The following PTPRN2 variants were observed in gnomAD, a reference collection of about 807,000 sequenced individuals.
PTPRN2 encodes receptor-type tyrosine-protein phosphatase N2.
PTPRN2 carries 74 observed loss-of-function variants against 118.8 expected under a neutral mutation model. The ratio of observed to expected loss-of-function variants is 0.62; its 90% CI spans 0.52 to 0.76. The LOEUF is 0.76. Ranked by LOEUF, PTPRN2 falls within the 30% of genes least tolerant of loss-of-function variation. PTPRN2 has a pLI of 0.00. For synonymous variants in PTPRN2, 641 were observed against 608.0 expected, an observed-to-expected ratio of 1.05 and a Z score of -0.80; for missense variants, 1,481 against 1,394.4, an observed-to-expected ratio of 1.06 and a Z score of -0.99.
intron 2 of PTPRN2, among the ~76,000 whole-genome samples, chr7:158,353,804 A>G (rs1360410733): frequency 2.0e-5 from 3 of 152,242 alleles, no homozygotes; most frequent in Admixed American, 6.5e-5. Context: ...GAAAGGTGAG[A>G]TAACAACAGC....
At chr7:158,283,768 C>T (rs957796975) in intron 3 of PTPRN2, among the ~76,000 whole-genome samples, 1 of 152,102 alleles carries the variant, frequency 6.6e-6, no homozygotes, top group Non-Finnish European at 1.5e-5. Flanking sequence ...CCTCAGGCCA[C>T]TCAAAGCCAC....
At chr7:157,851,754 G>C (rs539909197) in intron 12 of PTPRN2, among the ~76,000 whole-genome samples, 214 of 152,374 alleles carry the variant, frequency 1.4e-3, no homozygotes, top group African/African-American at 4.4e-3. Flanking sequence ...GTAACAGTGT[G>C]GTCCTTCCAG....
rs901541632 is a variant in PTPRN2, at chr7:157,875,406, A to T, written c.1788+23267T>A. ...AAACCTCTATCGGCAGTTTCTGATA[A>T]CCTTGCTCCGGGTCACACGTTATCT... On this transcript the variant is annotated intron_variant, in intron 12 of 22. Coordinates refer to ENST00000389418, the MANE Select transcript of PTPRN2 (RefSeq NM_002847.5). Among the ~76,000 whole-genome samples the T allele has an allele frequency of 3.3e-5, 5 of 152,172 alleles. 1 individual carries two copies. Among genetic ancestry groups the T allele is most frequent in the Non-Finnish European group, 5.9e-5 (4 of 68,022 alleles).
intron 22 of PTPRN2, among the ~76,000 whole-genome samples, chr7:157,544,955 T>G (rs906043910): frequency 1.7e-5 from 1 of 58,600 alleles, no homozygotes; most frequent in African/African-American, 5.9e-5. Flanking sequence ...GGTGTGTGGA[T>G]GTGTGTGGGG....
Position 157,733,282 on chromosome 7 carries a change from T to C in PTPRN2, c.1789-50345A>G, listed in dbSNP as rs373814898. Among the ~76,000 whole-genome samples the C allele has an allele frequency of 8.5e-4, 20 of 23,402 alleles. 1 individual carries two copies. Among genetic ancestry groups the C allele is most frequent in the Admixed American group, 3.4e-3 (8 of 2,374 alleles). 15.4% of individuals were successfully genotyped at this position (23,402 alleles called of 152,430 possible). A position where few individuals can be genotyped will look rare whatever the true frequency, so the allele number is the denominator to read the frequency against. ...CCAGCACAGTTACTCTTCCGTCCCATGCGCCCAGCACAGTTACCCTTTCCC... is the reference window on the plus strand; with the variant it reads ...CCAGCACAGTTACTCTTCCGTCCCACGCGCCCAGCACAGTTACCCTTTCCC... On this transcript the variant is annotated intron_variant, in intron 12 of 22. Transcript: ENST00000389418.
intron 4 of PTPRN2, 31 bp downstream of exon 4, chr7:158,205,140 G>T: frequency 6.5e-7 from 1 of 1,530,320 alleles, no homozygotes; most frequent in Non-Finnish European, 9.1e-7. Flanking sequence ...TGTCCTGGGA[G>T]CAAGGAGCAA....
At position 158,171,308 on chromosome 7, in the gene PTPRN2, C is replaced by CATACATATAT. The variant is rs1554571676; in HGVS notation, c.550-4018_550-4017insATATATGTAT. Among the ~76,000 whole-genome samples, 149 of 48,648 alleles carry CATACATATAT rather than the reference C, an allele frequency of 3.1e-3. 13 individuals are homozygous for CATACATATAT. The highest frequency in any genetic ancestry group is 7.8e-3 in the South Asian group (12 of 1,534). The allele number at this position is 48,648 out of a possible 152,430, so 31.9% of individuals were successfully genotyped here. A position where few individuals can be genotyped will look rare whatever the true frequency, so the allele number is the denominator to read the frequency against. ...ATATATACACACATATATATACACA[C>CATACATATAT]ATATATATATATATATATATATATA... On this transcript the variant is annotated intron_variant, in intron 5 of 22. Transcript: ENST00000389418.
In PTPRN2 at chr7:158,341,865, C is replaced by CGT. The variant is rs1374886774; in HGVS notation, c.164-24934_164-24933insAC. Among the ~76,000 whole-genome samples the CGT allele has an allele frequency of 3.0e-4, 19 of 63,202 alleles. 3 individuals carry two copies. Among genetic ancestry groups the CGT allele is most frequent in the Non-Finnish European group, 5.2e-4 (16 of 31,012 alleles). 41.5% of individuals were successfully genotyped at this position (63,202 alleles called of 152,430 possible). A position where few individuals can be genotyped will look rare whatever the true frequency, so the allele number is the denominator to read the frequency against. On this transcript the variant is annotated intron_variant, in intron 2 of 22. Coordinates refer to ENST00000389418, the MANE Select transcript of PTPRN2 (RefSeq NM_002847.5). ...CCACACTCTCACCATAAGAGTGTGC[C>CGT]CCGCAGGCGTCACTCACACCCACAC...
intron 6 of PTPRN2, among the ~76,000 whole-genome samples, chr7:158,153,637 T>C (rs1438227953): frequency 6.6e-6 from 1 of 150,998 alleles, no homozygotes; most frequent in Non-Finnish European, 1.5e-5. Context: ...GGGAGAGGAG[T>C]GGTGGGTGGG....
intron 9 of PTPRN2, among the ~76,000 whole-genome samples, chr7:158,132,457 GAC>G (rs1818425569): frequency 1.2e-5 from 1 of 81,710 alleles, no homozygotes; most frequent in South Asian, 4.7e-4. Flanking sequence ...CAAACATATC[GAC>G]ACAACACACA....
intron 11 of PTPRN2, among the ~76,000 whole-genome samples, chr7:157,993,244 G>A (rs757876219): frequency 7.2e-5 from 11 of 151,900 alleles, no homozygotes; most frequent in Non-Finnish European, 1.5e-4. Context: ...TTCCTATATC[G>A]GTGCGTACCT....
chr7:158,521,569 GGCTCAGGGGGGAGGTCCACGTCACAAT>G (rs1824017071), intron 1 of PTPRN2, among the ~76,000 whole-genome samples: 1 of 138,812 alleles, frequency 7.2e-6, no homozygotes, highest in Non-Finnish European at 1.6e-5. Flanking sequence ...TCCAGGTACT[GGCTCAGGGGGGAGGTCCACGTCACAAT>G]GGTGGACTGT....
At chr7:158,119,870 G>T (rs1176129075) in intron 9 of PTPRN2, among the ~76,000 whole-genome samples, 3 of 152,062 alleles carry the variant, frequency 2.0e-5, no homozygotes, top group Non-Finnish European at 4.4e-5. Context: ...CAAAAGAATT[G>T]AAAACAGGGT....
intron 1 of PTPRN2, among the ~76,000 whole-genome samples, chr7:158,527,887 G>A (rs761274497): frequency 8.6e-5 from 13 of 151,896 alleles, no homozygotes; most frequent in Non-Finnish European, 1.5e-4. Context: ...GCTGCGCCTC[G>A]GTGCTGCTGT....
chr7:158,480,509 G>A (rs993233857), intron 2 of PTPRN2, among the ~76,000 whole-genome samples: 3 of 152,176 alleles, frequency 2.0e-5, no homozygotes, highest in Non-Finnish European at 4.4e-5. Flanking sequence ...AGAAAGAGCC[G>A]CACCTCTCTC....
At chr7:158,096,304 T>C (rs182249475) in intron 10 of PTPRN2, among the ~76,000 whole-genome samples, 16 of 152,242 alleles carry the variant, frequency 1.1e-4, no homozygotes, top group African/African-American at 2.4e-4. Flanking sequence ...AAGAGCCGGG[T>C]CTCAGCCACA....
At chr7:158,040,189 G>A (rs80135425) in intron 11 of PTPRN2, among the ~76,000 whole-genome samples, 3,331 of 152,266 alleles carry the variant, frequency 0.022, 120 homozygotes, top group African/African-American at 0.075. Context: ...AAAGGGAACA[G>A]AAGAAATATT....
Position 158,316,897 on chromosome 7 carries a change from T to C in PTPRN2, c.199A>G (p.Met67Val), listed in dbSNP as rs1802379771. The change falls in exon 3 of 23, where the codon ATG becomes GTG. Residue 67 changes from methionine to valine, a missense_variant. Coordinates refer to ENST00000389418, the MANE Select transcript of PTPRN2 (RefSeq NM_002847.5). ...VFGRCQKVPA[M>V]DFYRYEVSPV... ...GACACCTCGTAGCGGTAAAAGTCCA[T>C]TGCCGGAACCTTCTGGCACCTTCCA... The C allele has an allele frequency of 2.5e-6, 4 of 1,612,768 alleles. No individual in the cohort carries two copies. Among genetic ancestry groups the C allele is most frequent in the East Asian group, 2.2e-5 (1 of 44,888 alleles).
In PTPRN2 at chr7:158,327,156, C is replaced by T. The variant is rs183477620; in HGVS notation, c.164-10224G>A. Among the ~76,000 whole-genome samples the T allele has an allele frequency of 3.3e-3, 503 of 152,010 alleles. 5 individuals are homozygous for T. Among genetic ancestry groups the T allele is most frequent in the African/African-American group, 0.01 (427 of 41,418 alleles). ...ACACACTCATATCCACACACGTGCA[C>T]ACATTCTCACATGCACACACACATG... On this transcript the variant is annotated intron_variant, in intron 2 of 22. Transcript: ENST00000389418.
Sources: gnomAD v4.1 joint callset for allele counts (sites outside exome capture counted in the v4.1 genomes callset) on GRCh38, gnomAD v4.1.1 for gene constraint, MANE v1.5 for transcripts, NCBI Gene and HGNC (gene_info 2026-07-23, HGNC 2026-07-21) for gene names.